The following CTNNA2 variants were observed in gnomAD, a reference collection of about 807,000 sequenced individuals.
The protein encoded by CTNNA2 is catenin alpha-2.
CTNNA2 carries 42 observed loss-of-function variants against 101.0 expected under a neutral mutation model. That is an observed-to-expected ratio of 0.42 (90% CI 0.32 to 0.54). The LOEUF (loss-of-function observed/expected upper bound fraction) is 0.54, where lower values mean the gene tolerates loss of function less well. Among genes scored for constraint, CTNNA2 ranks in the 20% least tolerant of loss-of-function variants. CTNNA2 has a pLI of 0.14. For missense variants in CTNNA2, 871 were observed against 1,223.1 expected (o/e 0.71, Z 4.29); for synonymous variants, 450 against 456.4 (o/e 0.99, Z 0.18).
chr2:79,990,889 C>G (rs916587545), intron 7 of CTNNA2, among the ~76,000 whole-genome samples: 2 of 152,104 alleles, frequency 1.3e-5, no homozygotes, highest in African/African-American at 2.4e-5. Flanking sequence ...TAGAGTTTGG[C>G]TGTGAGTCCG....
At position 79,416,579 on chromosome 2, in the gene CTNNA2, G is replaced by T. The variant is rs571550691; in HGVS notation, c.-135+42566G>T. On this transcript the variant is annotated intron_variant, in intron 4 of 21. Coordinates refer to the CTNNA2 transcript ENST00000466387. ...CCCACCCCATGTAATTTCAATCATT[G>T]TATACTCATTCATTTGTATTTAAAG... 2.6e-5 allele frequency among the ~76,000 whole-genome samples: 4 copies of T among 152,088 alleles called. No homozygotes were observed. In the East Asian group the frequency reaches 7.8e-4, roughly 29 times the overall value.
At chr2:79,949,568 C>T (rs1240342403) in intron 7 of CTNNA2, among the ~76,000 whole-genome samples, 1 of 152,010 alleles carries the variant, frequency 6.6e-6, no homozygotes, top group Non-Finnish European at 1.5e-5. Context: ...AGGGGTTTGA[C>T]ATCAGCCTGG....
intron 7 of CTNNA2, among the ~76,000 whole-genome samples, chr2:80,224,166 G>A (rs1441424228): frequency 6.6e-6 from 1 of 152,112 alleles, no homozygotes; most frequent in African/African-American, 2.4e-5. Context: ...AAAGAATACA[G>A]AAAGAAGGAC....
rs148631728 is a variant in CTNNA2 at position 79,826,182 on chromosome 2, A to AAT, written c.299-31830_299-31829insTA. Among the ~76,000 whole-genome samples, 681 of 152,342 alleles carry AAT rather than the reference A, an allele frequency of 4.5e-3. 13 individuals are homozygous for AAT. The highest frequency in any genetic ancestry group is 0.041 in the East Asian group (210 of 5,182). On this transcript the variant is annotated intron_variant, in intron 3 of 18. Transcript: ENST00000402739. Reference sequence around the variant, plus strand: ...GTAGTCAATGTAAAATAAAAAGAAAAAAAACAGTAATTAGTTGAATCATTC... The same window carrying AAT: ...GTAGTCAATGTAAAATAAAAAGAAAAATAAAACAGTAATTAGTTGAATCATTC...
In CTNNA2 at chr2:79,211,850, G is replaced by A. The variant is rs924826827; in HGVS notation, c.-406+13774G>A. Among the ~76,000 whole-genome samples, 7 of 152,250 alleles carry A rather than the reference G, an allele frequency of 4.6e-5. No individual in the cohort carries two copies. In the East Asian group the frequency reaches 5.8e-4, roughly 13 times the overall value. Reference sequence around the variant, plus strand: ...TTTTGGGGGATGGTATGGAGAGATAGTGGGCGATGTTTCTCAGGGCTGCTT... The same window carrying A: ...TTTTGGGGGATGGTATGGAGAGATAATGGGCGATGTTTCTCAGGGCTGCTT... On this transcript the variant is annotated intron_variant, in intron 2 of 21. Transcript: ENST00000466387.
At chr2:80,351,866 T>C (rs1673332863) in intron 7 of CTNNA2, among the ~76,000 whole-genome samples, 1 of 152,142 alleles carries the variant, frequency 6.6e-6, no homozygotes, top group Non-Finnish European at 1.5e-5. Flanking sequence ...GCACTTACCA[T>C]GTGCTAGTTA....
chr2:79,784,778 A>AT (rs1376760951), intron 3 of CTNNA2, among the ~76,000 whole-genome samples: 11 of 151,658 alleles, frequency 7.3e-5, no homozygotes, highest in Admixed American at 6.6e-5. Flanking sequence ...ATATATATAT[A>AT]AAAACATGGA....
intron 4 of CTNNA2, among the ~76,000 whole-genome samples, chr2:79,404,814 A>T (rs573977107): frequency 3.3e-5 from 5 of 152,150 alleles, no homozygotes; most frequent in Non-Finnish European, 5.9e-5. Context: ...GGCAGATAGA[A>T]TTCTAATATA....
intron 2 of CTNNA2, among the ~76,000 whole-genome samples, chr2:79,681,095 T>C (rs927647381): frequency 6.6e-5 from 10 of 152,164 alleles, no homozygotes; most frequent in Non-Finnish European, 1.5e-4. Flanking sequence ...ATTGAGGCTG[T>C]AGTGAGTTAA....
In CTNNA2 at chr2:80,406,735, G is replaced by A. The variant is rs1679098671; in HGVS notation, c.1138-12714G>A. On this transcript the variant is annotated intron_variant, in intron 8 of 18. Transcript: ENST00000402739. Reference sequence around the variant, plus strand: ...CCAGCTACTCGGGAGGCTGAGGCAGGAGAATGGCGTGAACCCGGGAGGCGG... The same window carrying A: ...CCAGCTACTCGGGAGGCTGAGGCAGAAGAATGGCGTGAACCCGGGAGGCGG... 2.0e-5 allele frequency among the ~76,000 whole-genome samples: 3 copies of A among 150,014 alleles called. No individual in the cohort carries two copies. In the South Asian group the frequency reaches 6.3e-4, roughly 31 times the overall value.
intron 9 of CTNNA2, among the ~76,000 whole-genome samples, chr2:80,455,875 A>T (rs1425685739): frequency 6.6e-6 from 1 of 152,108 alleles, no homozygotes; most frequent in African/African-American, 2.4e-5. Context: ...GATCCATTTA[A>T]TCTTCGAAAC....
rs563901541 is a variant in CTNNA2, at chr2:79,923,851, A to G, written c.1056+14054A>G. Among the ~76,000 whole-genome samples the G allele has an allele frequency of 2.0e-5, 3 of 152,170 alleles. No individual in the cohort carries two copies. In the East Asian group the frequency reaches 5.8e-4, roughly 29 times the overall value. ...AAATTGAGATTGTATAGTATTTGTC[A>G]TTTTGTGTTGGCAGGAAAGTAAATT... is the stretch of plus-strand genomic sequence containing the variant. On this transcript the variant is annotated intron_variant, in intron 7 of 18. Transcript: ENST00000402739.
chr2:80,224,458 A>G (rs1708755585), intron 7 of CTNNA2, among the ~76,000 whole-genome samples: 1 of 151,304 alleles, frequency 6.6e-6, no homozygotes, highest in Non-Finnish European at 1.5e-5. Context: ...TTTTTATTTT[A>G]TTTTGAGATG....
chr2:79,271,531 G>C (rs538059962), intron 2 of CTNNA2, among the ~76,000 whole-genome samples: 2 of 152,154 alleles, frequency 1.3e-5, no homozygotes, highest in South Asian at 2.1e-4. Context: ...TTAGCTTTTT[G>C]GTATGTGTGC....
At chr2:80,216,555 T>C (rs945183357) in intron 7 of CTNNA2, among the ~76,000 whole-genome samples, 3 of 152,180 alleles carry the variant, frequency 2.0e-5, no homozygotes, top group Non-Finnish European at 4.4e-5. Flanking sequence ...AGTGCCTTTA[T>C]AAGAAGAAGC....
At chr2:80,282,993 C>A (rs1215928601) in intron 7 of CTNNA2, among the ~76,000 whole-genome samples, 1 of 151,866 alleles carries the variant, frequency 6.6e-6, no homozygotes, top group African/African-American at 2.4e-5. Context: ...TGACAAGTTG[C>A]AATTTTTCTT....
At chr2:80,559,866 G>A (rs1693388526) in intron 12 of CTNNA2, among the ~76,000 whole-genome samples, 1 of 115,718 alleles carries the variant, frequency 8.6e-6, no homozygotes. Flanking sequence ...AGCACATTCA[G>A]CGATATCATA....
rs13430362 is a variant in CTNNA2 at position 79,376,385 on chromosome 2, A to G, written c.-135+2372A>G. 9.5e-3 allele frequency among the ~76,000 whole-genome samples: 1,444 copies of G among 151,364 alleles called. 27 individuals are homozygous for G. The highest frequency in any genetic ancestry group is 0.033 in the African/African-American group (1,359 of 41,350). On this transcript the variant is annotated intron_variant, in intron 4 of 21. Coordinates refer to the CTNNA2 transcript ENST00000466387. ...GTGTGTTTTTGCTTAAAAACCTCCTACCTGTATTACTGAATAACTGAATTT... is the reference window on the plus strand; with the variant it reads ...GTGTGTTTTTGCTTAAAAACCTCCTGCCTGTATTACTGAATAACTGAATTT...
chr2:80,622,599 A>G (rs1160520777), intron 18 of CTNNA2, among the ~76,000 whole-genome samples: 1 of 151,688 alleles, frequency 6.6e-6, no homozygotes, highest in Non-Finnish European at 1.5e-5. Flanking sequence ...CTTCCCATAT[A>G]CTCTTGGGAA....
Sources: allele counts gnomAD v4.1 joint callset (sites outside exome capture counted in the v4.1 genomes callset), GRCh38; gene constraint gnomAD v4.1.1; transcripts MANE v1.5; gene names NCBI Gene and HGNC (gene_info 2026-07-23, HGNC 2026-07-21).